Variants in DOK6 observed in about 807,000 individuals in gnomAD.
DOK6 encodes the protein downstream of tyrosine kinase 6.
DOK6 carries 22 observed loss-of-function variants against 44.0 expected under a neutral mutation model. The ratio of observed to expected loss-of-function variants is 0.50; its 90% CI spans 0.36 to 0.71. The LOEUF is 0.71. Among genes scored for constraint, DOK6 ranks in the 30% least tolerant of loss-of-function variants. The probability of loss-of-function intolerance (pLI) is 0.00; values close to 1 mark genes in which losing one functional copy is unlikely to be tolerated. For missense variants in DOK6, 340 were observed against 416.4 expected, an observed-to-expected ratio of 0.82 and a Z score of 1.60; for synonymous variants, 166 against 145.5, an observed-to-expected ratio of 1.14 and a Z score of -1.01.
chr18:69,435,974 A>G (rs146929264), intron 1 of DOK6, among the ~76,000 whole-genome samples: 4 of 152,014 alleles, frequency 2.6e-5, no homozygotes, highest in Non-Finnish European at 4.4e-5. Context: ...TATACTTTTA[A>G]TCCTTCTTTT....
At chr18:69,701,854 T>G (rs1225914245) in intron 5 of DOK6, among the ~76,000 whole-genome samples, 1 of 152,200 alleles carries the variant, frequency 6.6e-6, no homozygotes, top group Non-Finnish European at 1.5e-5. Flanking sequence ...AATTAAGGAT[T>G]CTGTGATGTC....
At chr18:69,832,498 C>G (rs1239804631) in intron 7 of DOK6, 1 of 151,490 alleles carries the variant, frequency 6.6e-6, no homozygotes, top group South Asian at 2.1e-4. Context: ...CTCTTTTTTT[C>G]TATATTTTTC....
chr18:69,802,848 A>T (rs1224001414), intron 7 of DOK6, among the ~76,000 whole-genome samples: 3 of 152,192 alleles, frequency 2.0e-5, no homozygotes, highest in African/African-American at 7.2e-5. Context: ...TTTTTTAAAT[A>T]AATTACCCTA....
At chr18:69,671,908 A>C (rs776866407) in intron 3 of DOK6, among the ~76,000 whole-genome samples, 2 of 152,208 alleles carry the variant, frequency 1.3e-5, no homozygotes, top group Non-Finnish European at 2.9e-5. Context: ...CCTGCACTCC[A>C]ATTTCTTAAA....
intron 1 of DOK6, among the ~76,000 whole-genome samples, chr18:69,423,978 G>A (rs1599124180): frequency 6.6e-6 from 1 of 151,964 alleles, no homozygotes; most frequent in African/African-American, 2.4e-5. Flanking sequence ...GAATTACGTA[G>A]CTTCAACTTT....
rs561287362 is a variant in DOK6 at position 69,821,088 on chromosome 18, T to G, written c.857-20156T>G. On this transcript the variant is annotated intron_variant, in intron 7 of 7. Transcript: ENST00000382713. ...TAAAAAATATTCATTGTCCATTCCT[T>G]GATTACATTATCATATTTTTGTTAA... 8.5e-5 allele frequency among the ~76,000 whole-genome samples: 13 copies of G among 152,308 alleles called. No homozygotes were observed. In the South Asian group the frequency reaches 2.7e-3, roughly 32 times the overall value.
At chr18:69,517,403 T>A (rs1255088127) in intron 1 of DOK6, among the ~76,000 whole-genome samples, 1 of 152,210 alleles carries the variant, frequency 6.6e-6, no homozygotes, top group Non-Finnish European at 1.5e-5. Context: ...CAACTCTTTT[T>A]TCAAACTTAT....
At position 69,481,393 on chromosome 18, in the gene DOK6, G is replaced by T. The variant is rs551410532; in HGVS notation, c.66+80083G>T. On this transcript the variant is annotated intron_variant, in intron 1 of 7. Transcript: ENST00000382713. Reference sequence around the variant, plus strand: ...ACCCCCTACCCCCACCCCACAACAGGCCCCAGTGTGTGATGTTCCCCTTCC... The same window carrying T: ...ACCCCCTACCCCCACCCCACAACAGTCCCCAGTGTGTGATGTTCCCCTTCC... 8.6e-5 allele frequency among the ~76,000 whole-genome samples: 13 copies of T among 151,866 alleles called. No individual in the cohort carries two copies. In the South Asian group the frequency reaches 2.1e-3, roughly 24 times the overall value.
intron 3 of DOK6, among the ~76,000 whole-genome samples, chr18:69,658,087 G>C (rs1193808236): frequency 6.6e-6 from 1 of 152,098 alleles, no homozygotes; most frequent in Non-Finnish European, 1.5e-5. Context: ...GAGGAGCTGG[G>C]ACTAGAGGCA....
At chr18:69,827,088 G>C (rs182814882) in intron 7 of DOK6, among the ~76,000 whole-genome samples, 101 of 152,270 alleles carry the variant, frequency 6.6e-4, no homozygotes, top group Admixed American at 6.0e-3. Context: ...AGTGGAAACA[G>C]AGTTGAAAGC....
At chr18:69,811,195 G>A (rs1981213180) in intron 7 of DOK6, among the ~76,000 whole-genome samples, 1 of 151,904 alleles carries the variant, frequency 6.6e-6, no homozygotes, top group Non-Finnish European at 1.5e-5. Context: ...AGTGAAATAA[G>A]CCAGACACAG....
At chr18:69,678,837 T>C (rs905847569) in intron 4 of DOK6, among the ~76,000 whole-genome samples, 2 of 150,004 alleles carry the variant, frequency 1.3e-5, no homozygotes. Context: ...ATGATCGGTG[T>C]TTTGAAAGGT....
chr18:69,512,962 C>A (rs1981414430), intron 1 of DOK6, among the ~76,000 whole-genome samples: 1 of 152,114 alleles, frequency 6.6e-6, no homozygotes, highest in Non-Finnish European at 1.5e-5. Context: ...GAATATGTAT[C>A]ACTGGAGATG....
chr18:69,559,594 T>C (rs1599191823), intron 1 of DOK6, among the ~76,000 whole-genome samples: 2 of 152,144 alleles, frequency 1.3e-5, no homozygotes, highest in African/African-American at 4.8e-5. Flanking sequence ...CTCTGACAAC[T>C]ACCACAACCA....
intron 6 of DOK6, among the ~76,000 whole-genome samples, chr18:69,757,271 T>C (rs1979386753): frequency 6.6e-6 from 1 of 152,212 alleles, no homozygotes; most frequent in Non-Finnish European, 1.5e-5. Context: ...GAAAAATGTT[T>C]AGCGATTGAA....
chr18:69,504,326 A>G (rs1023311042), intron 1 of DOK6, among the ~76,000 whole-genome samples: 3 of 151,858 alleles, frequency 2.0e-5, no homozygotes, highest in African/African-American at 7.3e-5. Context: ...CTGACAAACT[A>G]TGAGCAAGAA....
At chr18:69,672,568 G>A (rs1175603503) in intron 3 of DOK6, among the ~76,000 whole-genome samples, 1 of 151,976 alleles carries the variant, frequency 6.6e-6, no homozygotes, top group Non-Finnish European at 1.5e-5. Context: ...ATGTTGGCCG[G>A]GCTGGTCTCA....
chr18:69,834,350 G>C (rs562988806), intron 7 of DOK6, among the ~76,000 whole-genome samples: 8 of 151,550 alleles, frequency 5.3e-5, no homozygotes, highest in Non-Finnish European at 8.9e-5. Flanking sequence ...ATAGAGAGTA[G>C]AACGGTGGTT....
In DOK6 at chr18:69,813,986, C is replaced by T. The variant is rs538209739; in HGVS notation, c.857-27258C>T. Among the ~76,000 whole-genome samples, 12 of 152,048 alleles carry T rather than the reference C, an allele frequency of 7.9e-5. No individual in the cohort carries two copies. In the East Asian group the frequency reaches 2.1e-3, roughly 27 times the overall value. On this transcript the variant is annotated intron_variant, in intron 7 of 7. Coordinates refer to ENST00000382713, the MANE Select transcript of DOK6 (RefSeq NM_152721.6). ...GCAATATACATACATGTTACTACCT[C>T]GATTAAGCATGTGACCTGCCACCAA...
Sources: gnomAD v4.1 joint callset for allele counts (sites outside exome capture counted in the v4.1 genomes callset) on GRCh38, gnomAD v4.1.1 for gene constraint, MANE v1.5 for transcripts, NCBI Gene and HGNC (gene_info 2026-07-23, HGNC 2026-07-21) for gene names.